Variants in KIDINS220 observed in about 807,000 individuals in gnomAD.
The protein encoded by KIDINS220 is kinase D interacting substrate 220.
Under a neutral mutation model 157.6 loss-of-function variants are expected in KIDINS220, and 63 were observed. The ratio of observed to expected loss-of-function variants is 0.40; its 90% CI spans 0.33 to 0.49. The LOEUF (loss-of-function observed/expected upper bound fraction) is 0.49, where lower values mean the gene tolerates loss of function less well. Ranked by LOEUF, KIDINS220 falls within the 20% of genes least tolerant of loss-of-function variation. The pLI is 0.66. For missense variants in KIDINS220, 1,772 were observed against 2,171.2 expected (o/e 0.82, Z 3.65); for synonymous variants, 732 against 783.6 (o/e 0.93, Z 1.10).
At chr2:8,827,869 GA>G (rs1679046415) in intron 1 of KIDINS220, among the ~76,000 whole-genome samples, 1 of 152,056 alleles carries the variant, frequency 6.6e-6, no homozygotes. Context: ...ATCACCTGAA[GA>G]GCTTTTAAAG....
In KIDINS220 at chr2:8,778,929, T is replaced by A. The variant is rs1264590178; in HGVS notation, c.2581A>T (p.Thr861Ser). 3 of 1,614,126 alleles carry A rather than the reference T, an allele frequency of 1.9e-6. No homozygotes were observed. The South Asian group carries it at 3.3e-5, about 18-fold the overall frequency. Reference sequence around the variant, plus strand: ...TCTGAGCATGGAACGTCTCCATTTGTTGCTGAAGTTACGAGAAATTTTCTT... The same window carrying A: ...TCTGAGCATGGAACGTCTCCATTTGATGCTGAAGTTACGAGAAATTTTCTT... ...NARKFLVTSA[T>S]NGDVPCSDTT... Residue 861 changes from threonine (T) to serine (S), a missense_variant, in exon 19 of 30, where the codon ACA (threonine) becomes TCA (serine). Physicochemically the swap from Thr to Ser is moderately conservative, Grantham distance 58 (BLOSUM62 1). Transcript: ENST00000256707.
intron 7 of KIDINS220, 142 bp downstream of exon 7, chr2:8,806,129 A>G: frequency 1.6e-6 from 1 of 643,778 alleles, no homozygotes; most frequent in Non-Finnish European, 2.8e-6. Flanking sequence ...TTCTTAGAGT[A>G]ACAGGAAATG....
intron 2 of KIDINS220, among the ~76,000 whole-genome samples, chr2:8,821,117 A>T (rs1465481530): frequency 6.6e-6 from 1 of 151,850 alleles, no homozygotes; most frequent in African/African-American, 2.4e-5. Context: ...ATAATGAGAG[A>T]AAAACATAAT....
chr2:8,793,028 A>G (rs1673420853), intron 12 of KIDINS220, among the ~76,000 whole-genome samples: 3 of 152,196 alleles, frequency 2.0e-5, no homozygotes, highest in African/African-American at 7.2e-5. Flanking sequence ...TATACATAGT[A>G]TGTAACATTT....
chr2:8,779,780 A>T lies in KIDINS220; in HGVS notation c.2264T>A (p.Met755Lys). ...LKCEVELMAR[M>K]AKTIDSFTQN... ...AGTGAAGCTGTCAATGGTTTTTGCC[A>T]TCCTGGCCATCAATTCCACTTCACA... Residue 755 changes from methionine (M) to lysine (K), a missense_variant, in exon 18 of 30, where the codon ATG becomes AAG. Physicochemically the swap from Met to Lys is moderately conservative, Grantham distance 95. Transcript: ENST00000256707. The T allele has an allele frequency of 6.2e-7, 1 of 1,614,206 alleles. No homozygotes were observed. Among genetic ancestry groups the T allele is most frequent in the Non-Finnish European group, 8.5e-7 (1 of 1,180,010 alleles).
At chr2:8,823,133 C>T (rs1342026031) in intron 2 of KIDINS220, among the ~76,000 whole-genome samples, 1 of 151,964 alleles carries the variant, frequency 6.6e-6, no homozygotes, top group African/African-American at 2.4e-5. Flanking sequence ...CCACACCTGG[C>T]TAATATTTTT....
At chr2:8,830,422 GTTTA>G (rs749906267) in intron 1 of KIDINS220, among the ~76,000 whole-genome samples, 5 of 152,008 alleles carry the variant, frequency 3.3e-5, no homozygotes, top group African/African-American at 9.7e-5. Flanking sequence ...AAATCAGATC[GTTTA>G]TTTATTTTTT....
At chr2:8,764,725 T>C (rs1375210729) in intron 22 of KIDINS220, among the ~76,000 whole-genome samples, 1 of 152,198 alleles carries the variant, frequency 6.6e-6, no homozygotes, top group Non-Finnish European at 1.5e-5. Context: ...CAAGATAAAG[T>C]GAGGCTTCTC....
chr2:8,833,593 G>T, intron 1 of KIDINS220, among the ~76,000 whole-genome samples: 1 of 145,654 alleles, frequency 6.9e-6, no homozygotes, highest in African/African-American at 2.6e-5. Context: ...ATTTTCTTTC[G>T]TTCTATACCA....
intron 27 of KIDINS220, among the ~76,000 whole-genome samples, chr2:8,735,204 A>T (rs926579341): frequency 2.6e-5 from 4 of 152,244 alleles, no homozygotes; most frequent in Non-Finnish European, 5.9e-5. Flanking sequence ...AGATACAGAT[A>T]TGAAGAATGC....
At chr2:8,761,270 G>A (rs1371859448) in intron 22 of KIDINS220, among the ~76,000 whole-genome samples, 1 of 152,170 alleles carries the variant, frequency 6.6e-6, no homozygotes, top group African/African-American at 2.4e-5. Context: ...GACAGGCATA[G>A]AGAAAGGAGG....
chr2:8,774,357 A>C (rs1670668600), intron 21 of KIDINS220, among the ~76,000 whole-genome samples: 2 of 152,050 alleles, frequency 1.3e-5, no homozygotes, highest in Admixed American at 6.6e-5. Flanking sequence ...GGTGGATTTT[A>C]AATTCTACTG....
At chr2:8,734,608 TATC>T (rs1226039326) in intron 28 of KIDINS220, 44 bp downstream of exon 28, 18 of 1,277,056 alleles carry the variant, frequency 1.4e-5, no homozygotes, top group Admixed American at 3.6e-5. Context: ...TTTTGAATGT[TATC>T]ATAAAATAAT....
chr2:8,827,383 C>G (rs1370136661), intron 1 of KIDINS220, among the ~76,000 whole-genome samples: 1 of 152,240 alleles, frequency 6.6e-6, no homozygotes, highest in East Asian at 1.9e-4. Flanking sequence ...CTCATCACCA[C>G]TCCAAAATGC....
chr2:8,773,927 A>T (rs1670579760), intron 21 of KIDINS220, among the ~76,000 whole-genome samples: 1 of 152,202 alleles, frequency 6.6e-6, no homozygotes, highest in Non-Finnish European at 1.5e-5. Context: ...TATAAAACTC[A>T]GTTCCCACTT....
At chr2:8,798,746 T>C (rs1398049269) in intron 9 of KIDINS220, among the ~76,000 whole-genome samples, 2 of 152,204 alleles carry the variant, frequency 1.3e-5, no homozygotes, top group Non-Finnish European at 2.9e-5. Flanking sequence ...GCTTTCTTAA[T>C]TTCCATCCAT....
At chr2:8,792,215 CA>C (rs373612001) in intron 12 of KIDINS220, among the ~76,000 whole-genome samples, 4 of 152,058 alleles carry the variant, frequency 2.6e-5, no homozygotes, top group African/African-American at 9.7e-5. Flanking sequence ...CTTTCTTTTG[CA>C]ATGTAATACT....
At chr2:8,785,144 G>A (rs1449351666) in intron 17 of KIDINS220, among the ~76,000 whole-genome samples, 1 of 152,158 alleles carries the variant, frequency 6.6e-6, no homozygotes, top group Non-Finnish European at 1.5e-5. Flanking sequence ...CGTGAAAGAA[G>A]CCAATCTGAA....
Position 8,731,166 on chromosome 2 carries a change from C to T in KIDINS220, c.4870G>A (p.Gly1624Arg), listed in dbSNP as rs781524333. 34 of 1,614,064 alleles carry T rather than the reference C, an allele frequency of 2.1e-5. No homozygotes were observed. Among genetic ancestry groups the T allele is most frequent in the African/African-American group, 8.0e-5 (6 of 74,926 alleles). ...AGGCTATGTGGGATTCCCCGCTTTC[C>T]GCTGTGACTGTCATCTTCCAGCTCT... ...LIELEDDSHS[G>R]KRGIPHSLSG... Residue 1624 changes from glycine to arginine, a missense_variant, in exon 30 of 30, where the codon GGA becomes AGA. By Grantham distance (125) the Gly-to-Arg change is moderately radical. Transcript: ENST00000256707. This position sits in a 1 kb window ranked among gnomAD's most constrained non-coding sequence, Gnocchi z 5.2.
Sources: allele counts gnomAD v4.1 joint callset (sites outside exome capture counted in the v4.1 genomes callset), GRCh38; gene constraint gnomAD v4.1.1; non-coding constraint Gnocchi (gnomAD v3.1); transcripts MANE v1.5; gene names NCBI Gene and HGNC (gene_info 2026-07-23, HGNC 2026-07-21).